The following SUFU variants were observed in gnomAD, a reference collection of about 807,000 sequenced individuals.
SUFU encodes the protein suppressor of fused homolog.
SUFU carries 7 observed loss-of-function variants against 58.9 expected under a neutral mutation model. That is an observed-to-expected ratio of 0.12 (90% CI 0.07 to 0.22). SUFU has a LOEUF of 0.22. Ranked by LOEUF, SUFU falls within the 10% of genes least tolerant of loss-of-function variation. The pLI is 1.00. For synonymous variants in SUFU, 232 were observed against 254.8 expected (o/e 0.91, Z 0.85); for missense variants, 451 against 641.3 (o/e 0.70, Z 3.20).
At chr10:102,627,456 C>G (rs2063796258) in intron 11 of SUFU, among the ~76,000 whole-genome samples, 1 of 152,234 alleles carries the variant, frequency 6.6e-6, no homozygotes, top group African/African-American at 2.4e-5. Flanking sequence ...TCTATGCACC[C>G]TCACCATCCC....
chr10:102,610,859 A>C (rs1182754981), intron 8 of SUFU, among the ~76,000 whole-genome samples: 1 of 152,196 alleles, frequency 6.6e-6, no homozygotes, highest in African/African-American at 2.4e-5. Context: ...CATATGGGGG[A>C]GAACGGGTCC....
At chr10:102,587,771 G>A (rs548738905) in intron 3 of SUFU, among the ~76,000 whole-genome samples, 9 of 152,166 alleles carry the variant, frequency 5.9e-5, no homozygotes, top group Admixed American at 1.3e-4. Flanking sequence ...TGGGATTACA[G>A]GCATGAGCCA....
chr10:102,617,591 G>T lies in SUFU; in HGVS notation c.1296+163G>T, dbSNP rs529696359. 213 of 921,312 alleles carry T rather than the reference G, an allele frequency of 2.3e-4. 7 individuals carry two copies. In the South Asian group the frequency reaches 3.3e-3, roughly 14 times the overall value. 57.1% of individuals were successfully genotyped at this position (921,312 alleles called of 1,614,324 possible). A position where few individuals can be genotyped will look rare whatever the true frequency, so the allele number is the denominator to read the frequency against. On this transcript the variant is annotated intron_variant, in intron 10 of 11. Coordinates refer to ENST00000369902, the MANE Select transcript of SUFU (RefSeq NM_016169.4). The surrounding 1 kb of genome is among the most constrained non-coding windows in gnomAD (Gnocchi z 4.4). ...GGCCTGTGTGTAGGTATGGAGTGTG[G>T]ATGCTGCTACCCACTCCAGCAGCTT... is the stretch of plus-strand genomic sequence containing the variant.
Position 102,504,221 on chromosome 10 carries a change from C to G in SUFU, c.69C>G (p.Pro23=), listed in dbSNP as rs1320688671. The G allele has an allele frequency of 1.2e-6, 2 of 1,611,400 alleles. No homozygotes were observed. The highest frequency in any genetic ancestry group is 1.7e-6 in the Non-Finnish European group (2 of 1,179,180). Residue 23 remains proline (P), a synonymous_variant, in exon 1 of 12, where the codon CCC becomes CCG. Coordinates refer to ENST00000369902, the MANE Select transcript of SUFU (RefSeq NM_016169.4). ...TAPPAPGPTA[P]PAFASLFPPG... ...CCCCGGCCCCTGGCCCGACTGCCCC[C>G]CCGGCCTTCGCTTCGCTCTTTCCCC...
At chr10:102,556,722 GA>G (rs1364968574) in intron 3 of SUFU, among the ~76,000 whole-genome samples, 1 of 116,794 alleles carries the variant, frequency 8.6e-6, no homozygotes, top group Non-Finnish European at 1.7e-5. Context: ...CAGCCTGGAT[GA>G]CAGAGTGAGA....
rs189269397 is a variant in SUFU, at chr10:102,602,410, A to G, written c.1022+2866A>G. 1.4e-3 allele frequency among the ~76,000 whole-genome samples: 218 copies of G among 152,346 alleles called. 1 individual carries two copies. The highest frequency in any genetic ancestry group is 4.2e-3 in the Admixed American group (64 of 15,310). On this transcript the variant is annotated intron_variant, in intron 8 of 11. Coordinates refer to ENST00000369902, the MANE Select transcript of SUFU (RefSeq NM_016169.4). ...CATCTAACTAGTTGCAGCATGAATC[A>G]GGACCTCTCACATGGCACCAAGGAC... is the stretch of plus-strand genomic sequence containing the variant.
At position 102,628,985 on chromosome 10, in the gene SUFU, A is replaced by G. The variant is rs1199100616; in HGVS notation, c.1366-1081A>G. On this transcript the variant is annotated intron_variant, in intron 11 of 11. Coordinates refer to ENST00000369902, the MANE Select transcript of SUFU (RefSeq NM_016169.4). The surrounding 1 kb of genome is among the most constrained non-coding windows in gnomAD (Gnocchi z 4.5). Reference sequence around the variant, plus strand: ...AGCCTGACCAACATGGAGAAAACCCATCTCTACTAATAATACAATAATTAG... The same window carrying G: ...AGCCTGACCAACATGGAGAAAACCCGTCTCTACTAATAATACAATAATTAG... Among the ~76,000 whole-genome samples, 2 of 152,118 alleles carry G rather than the reference A, an allele frequency of 1.3e-5. No individual in the cohort carries two copies. Among genetic ancestry groups the G allele is most frequent in the African/African-American group, 4.8e-5 (2 of 41,416 alleles).
At chr10:102,504,718 G>A (rs1006335129) in intron 1 of SUFU, among the ~76,000 whole-genome samples, 12 of 151,566 alleles carry the variant, frequency 7.9e-5, no homozygotes, top group Non-Finnish European at 1.6e-4. Context: ...GAGGCGAGGC[G>A]GGGCCTGGGG....
chr10:102,568,759 A>G (rs1050868477), intron 3 of SUFU, among the ~76,000 whole-genome samples: 16 of 150,172 alleles, frequency 1.1e-4, no homozygotes, highest in Non-Finnish European at 1.3e-4. Context: ...CTGTAATCCC[A>G]GCTACTTGGG....
chr10:102,622,180 G>A (rs574093641), intron 10 of SUFU, among the ~76,000 whole-genome samples: 45 of 152,310 alleles, frequency 3.0e-4, no homozygotes, highest in African/African-American at 9.1e-4. Context: ...AGCTCAGCCC[G>A]TTTGATGGTG....
intron 2 of SUFU, among the ~76,000 whole-genome samples, chr10:102,512,925 C>T (rs903660112): frequency 2.0e-5 from 3 of 151,870 alleles, no homozygotes; most frequent in Admixed American, 6.6e-5. Flanking sequence ...AGAAATTAGC[C>T]AGACATGGTG....
chr10:102,529,805 C>T (rs953281745), intron 2 of SUFU, among the ~76,000 whole-genome samples: 2 of 151,950 alleles, frequency 1.3e-5, no homozygotes, highest in African/African-American at 4.8e-5. Context: ...ATTAGCTGGG[C>T]ATGGTGGCAT....
intron 3 of SUFU, among the ~76,000 whole-genome samples, chr10:102,570,390 C>T (rs1009671886): frequency 5.9e-5 from 9 of 152,058 alleles, no homozygotes; most frequent in African/African-American, 1.9e-4. Context: ...TACAGGCACA[C>T]GCCACCACGC....
At position 102,630,674 on chromosome 10, in the gene SUFU, C is replaced by T. The variant is rs560806985; in HGVS notation, c.*519C>T. The stretch of plus-strand genomic sequence containing the variant: ...CTTCCTTATTTTATTTTGTAGAAAC[C>T]GGGTGGTATTTTATTGCTCTGCAAA... On this transcript the variant is annotated 3_prime_UTR_variant, in exon 12 of 12. Transcript: ENST00000369902. 4 of 292,912 alleles carry T rather than the reference C, an allele frequency of 1.4e-5. No homozygotes were observed. The Admixed American group carries it at 1.4e-4, about 10-fold the overall frequency. The allele number at this position is 292,912 out of a possible 1,614,324, so 18.1% of individuals were successfully genotyped here.
intron 8 of SUFU, 140 bp downstream of exon 8, chr10:102,599,684 A>G (rs763332632): frequency 7.0e-5 from 55 of 782,102 alleles, no homozygotes; most frequent in Non-Finnish European, 1.1e-4. Context: ...AAGGGCAGGC[A>G]TGGTCTGGGG....
chr10:102,557,242 A>AAAAG (rs2062991318), intron 3 of SUFU, among the ~76,000 whole-genome samples: 1 of 151,578 alleles, frequency 6.6e-6, no homozygotes, highest in South Asian at 2.1e-4. Flanking sequence ...AAAAAAAAAA[A>AAAAG]AAAGAAAAAG....
At chr10:102,519,128 ACT>A (rs2062512956) in intron 2 of SUFU, among the ~76,000 whole-genome samples, 1 of 118,846 alleles carries the variant, frequency 8.4e-6, no homozygotes, top group African/African-American at 3.2e-5. Flanking sequence ...AGACAGCGAG[ACT>A]CTGTCTCAAA....
intron 2 of SUFU, among the ~76,000 whole-genome samples, chr10:102,535,832 T>G (rs191635030): frequency 5.0e-4 from 76 of 152,296 alleles, no homozygotes; most frequent in African/African-American, 1.8e-3. Flanking sequence ...ATATGAACAC[T>G]TAGCAACAGA....
intron 3 of SUFU, among the ~76,000 whole-genome samples, chr10:102,551,063 C>T (rs1483632054): frequency 6.6e-6 from 1 of 151,992 alleles, no homozygotes; most frequent in Non-Finnish European, 1.5e-5. Flanking sequence ...TTTTTTAAAC[C>T]TTGAGTAGGT....
Sources: allele counts gnomAD v4.1 joint callset (sites outside exome capture counted in the v4.1 genomes callset), GRCh38; gene constraint gnomAD v4.1.1; non-coding constraint Gnocchi (gnomAD v3.1); transcripts MANE v1.5; gene names NCBI Gene and HGNC (gene_info 2026-07-23, HGNC 2026-07-21).